Variants in SLC25A30 observed in about 807,000 individuals in gnomAD.
The protein encoded by SLC25A30 is solute carrier family 25 member 30.
SLC25A30 carries 29 observed loss-of-function variants against 42.7 expected under a neutral mutation model. That is an observed-to-expected ratio of 0.68 (90% CI 0.51 to 0.93). The LOEUF is 0.93. Among genes scored for constraint, SLC25A30 ranks in the 40% least tolerant of loss-of-function variants. The probability of loss-of-function intolerance (pLI) is 0.00; values close to 1 mark genes in which losing one functional copy is unlikely to be tolerated. For synonymous variants in SLC25A30, 124 were observed against 131.0 expected (o/e 0.95, Z 0.37); for missense variants, 300 against 359.7 (o/e 0.83, Z 1.34).
chr13:45,404,156 A>G (rs772421566), intron 5 of SLC25A30, among the ~76,000 whole-genome samples, 171 bp downstream of exon 5: 1 of 152,208 alleles, frequency 6.6e-6, no homozygotes, highest in African/African-American at 2.4e-5. Flanking sequence ...GCTCATCTGT[A>G]TAAGTGGAAA....
At chr13:45,403,203 G>A (rs1841407401) in intron 5 of SLC25A30, among the ~76,000 whole-genome samples, 1 of 152,148 alleles carries the variant, frequency 6.6e-6, no homozygotes, top group Non-Finnish European at 1.5e-5. Context: ...TTATGGCAAA[G>A]GTACCTTGTA....
At chr13:45,419,423 A>G (rs1883814988), upstream of SLC25A30, among the ~76,000 whole-genome samples, 1 of 150,368 alleles carries the variant, frequency 6.7e-6, no homozygotes, top group South Asian at 2.1e-4. Flanking sequence ...GGTTCAAGTG[A>G]TTCTGCTGCC....
intron 4 of SLC25A30, 92 bp from the exon 5 acceptor site, chr13:45,404,504 T>C (rs1372393339): frequency 5.7e-6 from 5 of 883,148 alleles, no homozygotes; most frequent in South Asian, 1.4e-5. Context: ...ACACATTACT[T>C]GTTCACCTTA....
At chr13:45,424,183 ATT>A in the SLC25A30 span, among the ~76,000 whole-genome samples, 39 of 98,142 alleles carry the variant, frequency 4.0e-4, no homozygotes, top group Non-Finnish European at 4.2e-4. Flanking sequence ...ATATATAAAT[ATT>A]TATGAATATA....
Position 45,395,491 on chromosome 13 carries a change from G to C in SLC25A30, c.*483C>G, listed in dbSNP as rs1196660161. 9.6e-7 allele frequency: 1 copy of C among 1,043,894 alleles called. No individual in the cohort carries two copies. The highest frequency in any genetic ancestry group is 7.7e-5 in the East Asian group (1 of 12,934). 64.7% of individuals were successfully genotyped at this position (1,043,894 alleles called of 1,614,324 possible). A position where few individuals can be genotyped will look rare whatever the true frequency, so the allele number is the denominator to read the frequency against. On this transcript the variant is annotated 3_prime_UTR_variant, in exon 10 of 10. Transcript: ENST00000519676. Reference sequence around the variant, plus strand: ...TTATACCTGGGGTTGAACAGTCCAGGTCTCCATACATGAAATTTCTTCAGT... The same window carrying C: ...TTATACCTGGGGTTGAACAGTCCAGCTCTCCATACATGAAATTTCTTCAGT...
chr13:45,423,313 A>C (rs1430485600), upstream of SLC25A30, among the ~76,000 whole-genome samples: 1 of 151,676 alleles, frequency 6.6e-6, no homozygotes, highest in Non-Finnish European at 1.5e-5. Flanking sequence ...CAATAGTAAG[A>C]ACAACAGTGC....
At chr13:45,412,714 C>A (rs533982217) in intron 1 of SLC25A30, among the ~76,000 whole-genome samples, 8 of 152,256 alleles carry the variant, frequency 5.3e-5, no homozygotes, top group Admixed American at 4.6e-4. Flanking sequence ...ACAAATATTG[C>A]CCTCCATCTT....
In SLC25A30 at chr13:45,408,955, C is replaced by A; in HGVS notation, c.184G>T (p.Glu62Ter). 1 of 1,610,368 alleles carries A rather than the reference C, an allele frequency of 6.2e-7. No homozygotes were observed. The highest frequency in any genetic ancestry group is 8.5e-7 in the Non-Finnish European group (1 of 1,178,680). The part of the protein sequence containing the change: ...MLHALVRIGR[E>*]EGLKALYSGI... ...GAGTAGAGTGCTTTCAGCCCTTCTT[C>A]TCTGCCTATCCTCACTAATGCGTGC... Residue 62 changes from glutamate (E) to a stop codon, truncating the protein, a stop_gained, in exon 3 of 10, where the codon GAA becomes TAA. Coordinates refer to ENST00000519676, the MANE Select transcript of SLC25A30 (RefSeq NM_001010875.4). LOFTEE classifies it high-confidence loss of function.
At chr13:45,399,201 T>C (rs1881683420) in intron 7 of SLC25A30, 123 bp from the exon 8 acceptor site, 3 of 927,884 alleles carry the variant, frequency 3.2e-6, no homozygotes, top group Non-Finnish European at 4.6e-6. Context: ...TTTTCGTGTT[T>C]TGTTTTGTTT....
At chr13:45,425,177 AAT>A in the SLC25A30 span, among the ~76,000 whole-genome samples, 1 of 98,412 alleles carries the variant, frequency 1.0e-5, no homozygotes, top group African/African-American at 4.4e-5. Flanking sequence ...TAAGTATATA[AAT>A]ATATATACAT....
At chr13:45,421,655 A>C (rs904474874), upstream of SLC25A30, among the ~76,000 whole-genome samples, 3 of 152,192 alleles carry the variant, frequency 2.0e-5, no homozygotes, top group Non-Finnish European at 4.4e-5. Context: ...CCTCAGTTGC[A>C]AAATGGAAAC....
chr13:45,397,405 T>TGGCCA, intron 8 of SLC25A30, 67 bp from the exon 9 acceptor site: 1 of 1,211,082 alleles, frequency 8.3e-7, no homozygotes, highest in Non-Finnish European at 1.2e-6. Context: ...TAATAATTAG[T>TGGCCA]GGCCAGGCCA....
intron 8 of SLC25A30, 35 bp downstream of exon 8, chr13:45,398,901 ATAAT>A: frequency 6.3e-7 from 1 of 1,584,678 alleles, no homozygotes; most frequent in South Asian, 1.2e-5. Flanking sequence ...AAAAAAATAT[ATAAT>A]TCACAACCCT....
chr13:45,423,856 A>C, the SLC25A30 span, among the ~76,000 whole-genome samples: 5 of 73,408 alleles, frequency 6.8e-5, no homozygotes, highest in African/African-American at 2.5e-4. Flanking sequence ...GTAAATATAT[A>C]TATAAATATA....
the SLC25A30 span, among the ~76,000 whole-genome samples, chr13:45,423,950 T>A: frequency 4.9e-5 from 4 of 82,364 alleles, no homozygotes; most frequent in Non-Finnish European, 6.3e-5. Context: ...TATAAAAAAA[T>A]ATATGAATAT....
chr13:45,423,925 A>G, the SLC25A30 span, among the ~76,000 whole-genome samples: 3 of 66,592 alleles, frequency 4.5e-5, no homozygotes, highest in Non-Finnish European at 8.5e-5. Context: ...AAATATATAT[A>G]AACATATATA....
intron 1 of SLC25A30, among the ~76,000 whole-genome samples, chr13:45,416,517 A>G (rs1038609806): frequency 1.3e-5 from 2 of 152,156 alleles, no homozygotes; most frequent in African/African-American, 4.8e-5. Flanking sequence ...CTGTAATCCC[A>G]GCTACTTGGG....
At chr13:45,421,718 T>A (rs141636711), upstream of SLC25A30, among the ~76,000 whole-genome samples, 1 of 152,308 alleles carries the variant, frequency 6.6e-6, no homozygotes, top group Non-Finnish European at 1.5e-5. Flanking sequence ...AAACATACTT[T>A]GTAAAATGTA....
upstream of SLC25A30, among the ~76,000 whole-genome samples, chr13:45,419,863 G>A (rs1883838283): frequency 1.3e-5 from 2 of 148,210 alleles, no homozygotes; most frequent in Admixed American, 1.3e-4. Context: ...CTGGGAGGTG[G>A]AGGTTGAGGT....
Sources: allele counts gnomAD v4.1 joint callset (sites outside exome capture counted in the v4.1 genomes callset), GRCh38; gene constraint gnomAD v4.1.1; transcripts MANE v1.5; gene names NCBI Gene and HGNC (gene_info 2026-07-23, HGNC 2026-07-21).